The following CDK19 variants were observed in gnomAD, a reference collection of about 807,000 sequenced individuals.
The protein encoded by CDK19 is cyclin dependent kinase 19, also known as cyclin-dependent kinase 19.
A neutral mutation model predicts 68.3 loss-of-function variants in CDK19; 20 were observed. The ratio of observed to expected loss-of-function variants is 0.29; its 90% CI spans 0.21 to 0.43. The LOEUF is 0.43. Among genes scored for constraint, CDK19 ranks in the 20% least tolerant of loss-of-function variants. CDK19 has a pLI of 1.00. For missense variants in CDK19, 339 were observed against 623.5 expected, an observed-to-expected ratio of 0.54 and a Z score of 4.86; for synonymous variants, 221 against 222.8, an observed-to-expected ratio of 0.99 and a Z score of 0.07.
rs1428343781 is a variant in CDK19, at chr6:110,627,941, G to A, written c.647-796C>T. On this transcript the variant is annotated intron_variant, in intron 6 of 12. Coordinates refer to ENST00000368911, the MANE Select transcript of CDK19 (RefSeq NM_015076.5). Reference sequence around the variant, plus strand: ...AAGAATTGGGGAGGCTGGGTGCAGTGGTTCATGCCTGTATTCCAAGTACTT... The same window carrying A: ...AAGAATTGGGGAGGCTGGGTGCAGTAGTTCATGCCTGTATTCCAAGTACTT... 2.6e-5 allele frequency among the ~76,000 whole-genome samples: 4 copies of A among 152,248 alleles called. No homozygotes were observed. The East Asian group carries it at 7.7e-4, about 29-fold the overall frequency.
At chr6:110,618,977 G>C (rs1778533526) in intron 12 of CDK19, among the ~76,000 whole-genome samples, 1 of 152,090 alleles carries the variant, frequency 6.6e-6, no homozygotes, top group Non-Finnish European at 1.5e-5. Flanking sequence ...CAATTAACCT[G>C]CCTTTTGTGA....
chr6:110,694,246 G>A (rs564333148), intron 2 of CDK19, among the ~76,000 whole-genome samples: 2 of 152,288 alleles, frequency 1.3e-5, no homozygotes, highest in East Asian at 1.9e-4. Context: ...GTCTTCAAGA[G>A]ACTCACCTAA....
In CDK19 at chr6:110,687,709, CTTTAA is replaced by C. The variant is rs1051131093; in HGVS notation, c.205-17173_205-17169del. ...ATGGTATTTCCACTAAGAGTGATAA[CTTTAA>C]TTTTTTAAAAGAGCTATATTATTAC... On this transcript the variant is annotated intron_variant, in intron 2 of 12. Coordinates refer to ENST00000368911, the MANE Select transcript of CDK19 (RefSeq NM_015076.5). Among the ~76,000 whole-genome samples, 296 of 152,194 alleles carry C rather than the reference CTTTAA, an allele frequency of 1.9e-3. 1 individual carries two copies. Among genetic ancestry groups the C allele is most frequent in the African/African-American group, 6.6e-3 (275 of 41,522 alleles).
intron 1 of CDK19, among the ~76,000 whole-genome samples, chr6:110,760,367 A>G (rs1036242835): frequency 1.5e-5 from 2 of 134,662 alleles, no homozygotes; most frequent in Admixed American, 9.1e-5. Flanking sequence ...ACTGCATTCC[A>G]GCCTGGGCCA....
intron 2 of CDK19, among the ~76,000 whole-genome samples, chr6:110,710,192 G>C (rs1293585792): frequency 2.0e-5 from 3 of 152,302 alleles, no homozygotes; most frequent in Admixed American, 6.5e-5. Flanking sequence ...AACTAATCTT[G>C]AAGCCAACTC....
At chr6:110,754,052 C>A (rs564806661) in intron 1 of CDK19, among the ~76,000 whole-genome samples, 5 of 140,018 alleles carry the variant, frequency 3.6e-5, no homozygotes, top group South Asian at 2.4e-4. Flanking sequence ...TTTTTTTAGA[C>A]AGGGTCTTGC....
intron 2 of CDK19, among the ~76,000 whole-genome samples, chr6:110,674,767 T>C (rs1488454212): frequency 6.6e-6 from 1 of 151,980 alleles, no homozygotes; most frequent in Non-Finnish European, 1.5e-5. Context: ...CTGGGCGTAG[T>C]GGCAGGTACC....
chr6:110,667,563 CT>C lies in CDK19; in HGVS notation c.326del (p.Lys109SerfsTer44). 6.5e-7 allele frequency: 1 copy of C among 1,534,426 alleles called. No individual in the cohort carries two copies. The part of the protein sequence containing the change: ...YAEHDLWHII[K>X]FHRASKANKK... ...TATTTGCTTTTGATGCACGGTGAAA[CT>C]TAATAATATGCTAAAAATTAAAAAA... is the stretch of plus-strand genomic sequence containing the variant. On this transcript the variant is annotated frameshift_variant, in exon 4 of 13. Coordinates refer to ENST00000368911, the MANE Select transcript of CDK19 (RefSeq NM_015076.5). LOFTEE classifies it high-confidence loss of function.
At chr6:110,700,136 T>TTAAA (rs1773868325) in intron 2 of CDK19, among the ~76,000 whole-genome samples, 1 of 152,156 alleles carries the variant, frequency 6.6e-6, no homozygotes, top group Admixed American at 6.5e-5. Flanking sequence ...GCACTCTTTA[T>TTAAA]GAGAATCTAA....
chr6:110,739,796 AATT>A (rs57995761), intron 2 of CDK19, among the ~76,000 whole-genome samples: 22 of 147,340 alleles, frequency 1.5e-4, no homozygotes, highest in African/African-American at 2.5e-4. Context: ...ATGCCCAGCT[AATT>A]ATTATTATTA....
intron 2 of CDK19, among the ~76,000 whole-genome samples, chr6:110,721,101 G>A (rs1414883892): frequency 6.6e-6 from 1 of 151,806 alleles, no homozygotes; most frequent in Non-Finnish European, 1.5e-5. Flanking sequence ...TTAGCTGGTC[G>A]TGGTGACAGG....
intron 2 of CDK19, among the ~76,000 whole-genome samples, chr6:110,673,443 A>G (rs926471321): frequency 6.6e-6 from 1 of 152,112 alleles, no homozygotes; most frequent in Non-Finnish European, 1.5e-5. Flanking sequence ...CCCACTTTCA[A>G]TTCCTTTGTA....
At chr6:110,641,995 T>C (rs537009855) in intron 4 of CDK19, among the ~76,000 whole-genome samples, 1 of 152,254 alleles carries the variant, frequency 6.6e-6, no homozygotes, top group East Asian at 1.9e-4. Flanking sequence ...ACTTTGGGAA[T>C]AAAATACCAG....
intron 2 of CDK19, among the ~76,000 whole-genome samples, chr6:110,739,181 C>T (rs899247914): frequency 6.6e-6 from 1 of 152,174 alleles, no homozygotes; most frequent in Admixed American, 6.5e-5. Flanking sequence ...ATCCTAAACC[C>T]TAACCAAAGT....
chr6:110,792,058 C>T (rs1052680181), intron 1 of CDK19, among the ~76,000 whole-genome samples: 10 of 151,148 alleles, frequency 6.6e-5, no homozygotes, highest in African/African-American at 2.2e-4. Context: ...GCAACCTCTG[C>T]CTCCCGGGTT....
chr6:110,785,707 G>A (rs907982762), intron 1 of CDK19, among the ~76,000 whole-genome samples: 11 of 152,196 alleles, frequency 7.2e-5, no homozygotes, highest in Admixed American at 5.9e-4. Context: ...TAGGCCGGGC[G>A]CGGTGGCTCA....
At position 110,621,010 on chromosome 6, in the gene CDK19, G is replaced by A; in HGVS notation, c.1377+94C>T. 5.1e-6 allele frequency: 6 copies of A among 1,184,234 alleles called. No homozygotes were observed. In the Admixed American group the frequency reaches 1.4e-4, roughly 28 times the overall value. 73.4% of individuals were successfully genotyped at this position (1,184,234 alleles called of 1,614,324 possible). On this transcript the variant is annotated intron_variant, in intron 12 of 12. Coordinates refer to ENST00000368911, the MANE Select transcript of CDK19 (RefSeq NM_015076.5). The surrounding 1 kb of genome is among the most constrained non-coding windows in gnomAD (Gnocchi z 5.4). The stretch of plus-strand genomic sequence containing the variant: ...TAGAAACAGGATTGCACAGTCAAAT[G>A]TAAGAGTTAAGTGTTACTTAACTCT...
chr6:110,703,034 A>AT (rs1774140682), intron 2 of CDK19, among the ~76,000 whole-genome samples: 1 of 152,084 alleles, frequency 6.6e-6, no homozygotes, highest in South Asian at 2.1e-4. Flanking sequence ...GTTGCTCTGT[A>AT]TTTTTCAAAT....
intron 1 of CDK19, among the ~76,000 whole-genome samples, chr6:110,759,428 A>AAATATATAT (rs1275389842): frequency 2.0e-4 from 10 of 50,906 alleles, no homozygotes; most frequent in East Asian, 1.7e-3. Flanking sequence ...AAAAAAAAAA[A>AAATATATAT]ATATATATAT....
Sources: allele counts gnomAD v4.1 joint callset (sites outside exome capture counted in the v4.1 genomes callset), GRCh38; gene constraint gnomAD v4.1.1; non-coding constraint Gnocchi (gnomAD v3.1); transcripts MANE v1.5; gene names NCBI Gene and HGNC (gene_info 2026-07-23, HGNC 2026-07-21).